Variants in NR3C2 observed in about 807,000 individuals in gnomAD.
The protein encoded by NR3C2 is nuclear receptor subfamily 3 group C member 2, also known as mineralocorticoid receptor.
In NR3C2, 15 loss-of-function variants were observed where a neutral mutation model predicts 86.4. The ratio of observed to expected loss-of-function variants is 0.17; its 90% CI spans 0.12 to 0.27. The LOEUF (loss-of-function observed/expected upper bound fraction) is 0.27. Among genes scored for constraint, NR3C2 ranks in the 10% least tolerant of loss-of-function variants. The pLI is 1.00. For missense variants in NR3C2, 960 were observed against 1,195.6 expected (o/e 0.80, Z 2.91); for synonymous variants, 458 against 450.5 (o/e 1.02, Z -0.21).
intron 6 of NR3C2, among the ~76,000 whole-genome samples, chr4:148,144,013 C>T (rs1733747611): frequency 1.3e-5 from 2 of 149,768 alleles, no homozygotes; most frequent in African/African-American, 4.9e-5. Context: ...CCTCAGTTCT[C>T]GTCTTAAGTT....
At chr4:148,406,767 A>G (rs1022791681) in intron 2 of NR3C2, among the ~76,000 whole-genome samples, 1 of 152,214 alleles carries the variant, frequency 6.6e-6, no homozygotes, top group Admixed American at 6.5e-5. Context: ...TGTTAACATA[A>G]AACAATTCAT....
At chr4:148,165,098 A>G (rs149804075) in intron 4 of NR3C2, among the ~76,000 whole-genome samples, 75 of 152,366 alleles carry the variant, frequency 4.9e-4, no homozygotes, top group African/African-American at 7.5e-4. Context: ...TTTTTAAAAA[A>G]CAAAAATTTA....
At chr4:148,436,891 A>T in intron 1 of NR3C2, 29 bp from the exon 2 acceptor site, 1 of 1,537,260 alleles carries the variant, frequency 6.5e-7, no homozygotes, top group Non-Finnish European at 8.8e-7. Context: ...TTAAAAAATT[A>T]GAGTCAGTTA....
intron 2 of NR3C2, among the ~76,000 whole-genome samples, chr4:148,401,650 G>C (rs1017050790): frequency 1.3e-5 from 2 of 151,926 alleles, no homozygotes; most frequent in Non-Finnish European, 2.9e-5. Flanking sequence ...TTTTAGTAGA[G>C]ACGGGATTTC....
chr4:148,257,303 A>G (rs1285436558), intron 3 of NR3C2, among the ~76,000 whole-genome samples: 2 of 152,234 alleles, frequency 1.3e-5, no homozygotes, highest in African/African-American at 2.4e-5. Flanking sequence ...ACAGACTAAG[A>G]CTACTAAACT....
chr4:148,274,858 C>A (rs960540186), intron 2 of NR3C2, among the ~76,000 whole-genome samples: 3 of 151,874 alleles, frequency 2.0e-5, no homozygotes, highest in African/African-American at 7.3e-5. Context: ...CCACCACGCC[C>A]AGCTAATTTT....
chr4:148,126,002 G>A (rs1732728303), intron 6 of NR3C2, among the ~76,000 whole-genome samples: 1 of 152,208 alleles, frequency 6.6e-6, no homozygotes, highest in Non-Finnish European at 1.5e-5. Flanking sequence ...GGAAAATCAG[G>A]ATGTCTGTGG....
At chr4:148,388,949 C>T (rs1474926113) in intron 2 of NR3C2, among the ~76,000 whole-genome samples, 1 of 152,190 alleles carries the variant, frequency 6.6e-6, no homozygotes, top group Non-Finnish European at 1.5e-5. Context: ...TTGCAGGACA[C>T]CCTACAGCCT....
intron 2 of NR3C2, among the ~76,000 whole-genome samples, chr4:148,326,637 C>T (rs1405937767): frequency 6.6e-6 from 1 of 151,868 alleles, no homozygotes; most frequent in Non-Finnish European, 1.5e-5. Flanking sequence ...AAGTCCAACT[C>T]TTCAAGTTTT....
At chr4:148,153,050 G>A (rs1734176847) in intron 5 of NR3C2, among the ~76,000 whole-genome samples, 1 of 152,164 alleles carries the variant, frequency 6.6e-6, no homozygotes, top group South Asian at 2.1e-4. Flanking sequence ...AGTTTGTGGT[G>A]CTTAAAAAAT....
intron 4 of NR3C2, among the ~76,000 whole-genome samples, chr4:148,189,524 G>C (rs1736098033): frequency 6.6e-6 from 1 of 152,062 alleles, no homozygotes; most frequent in Admixed American, 6.6e-5. Flanking sequence ...GTTCTTTCCT[G>C]GTTCTGGTAT....
chr4:148,182,645 G>A (rs2149792503), intron 4 of NR3C2, among the ~76,000 whole-genome samples: 1 of 152,262 alleles, frequency 6.6e-6, no homozygotes, highest in East Asian at 1.9e-4. Flanking sequence ...CTCACTTATA[G>A]ATAACTGCAG....
At chr4:148,260,158 G>T in intron 2 of NR3C2, 41 bp from the exon 3 acceptor site, 3 of 1,612,778 alleles carry the variant, frequency 1.9e-6, no homozygotes, top group Non-Finnish European at 1.7e-6. Context: ...ACACCGTAAA[G>T]GCACATTTAA....
chr4:148,250,075 C>T (rs905495204), intron 3 of NR3C2, among the ~76,000 whole-genome samples: 5 of 152,126 alleles, frequency 3.3e-5, no homozygotes, highest in African/African-American at 1.2e-4. Context: ...TGCCGAGTGT[C>T]TAAGTGGGGC....
chr4:148,343,120 C>G (rs1451126185), intron 2 of NR3C2, among the ~76,000 whole-genome samples: 1 of 152,116 alleles, frequency 6.6e-6, no homozygotes, highest in Non-Finnish European at 1.5e-5. Flanking sequence ...TAATCAAACT[C>G]AGGAAAGATT....
intron 8 of NR3C2, among the ~76,000 whole-genome samples, chr4:148,108,723 G>A (rs1342478560): frequency 6.6e-6 from 1 of 152,134 alleles, no homozygotes; most frequent in Non-Finnish European, 1.5e-5. Context: ...TCTAATGGTC[G>A]TACACAGAAG....
intron 2 of NR3C2, among the ~76,000 whole-genome samples, chr4:148,275,550 C>A (rs1423425135): frequency 6.6e-6 from 1 of 151,978 alleles, no homozygotes; most frequent in Non-Finnish European, 1.5e-5. Flanking sequence ...CCTGCCTCAG[C>A]CCCACAAGTA....
intron 6 of NR3C2, among the ~76,000 whole-genome samples, chr4:148,124,176 TAGTG>T (rs1175268824): frequency 1.3e-5 from 2 of 152,080 alleles, no homozygotes; most frequent in Non-Finnish European, 2.9e-5. Flanking sequence ...GGTGGAGTAA[TAGTG>T]AGCCAAAATC....
intron 2 of NR3C2, 101 bp from the exon 3 acceptor site, chr4:148,260,218 A>C: frequency 2.1e-6 from 3 of 1,452,544 alleles, no homozygotes; most frequent in Non-Finnish European, 2.9e-6. Context: ...GGTTCGATAC[A>C]AGAATTCAGT....
Sources: allele counts gnomAD v4.1 joint callset (sites outside exome capture counted in the v4.1 genomes callset), GRCh38; gene constraint gnomAD v4.1.1; transcripts MANE v1.5; gene names NCBI Gene and HGNC (gene_info 2026-07-23, HGNC 2026-07-21).